LCMT1: variants seen among roughly 807,000 people sequenced by gnomAD.
The protein encoded by LCMT1 is leucine carboxyl methyltransferase 1, also known as [Phosphatase 2A protein]-leucine-carboxy methyltransferase 1.
LCMT1 carries 32 observed loss-of-function variants against 47.7 expected under a neutral mutation model. The ratio of observed to expected loss-of-function variants is 0.67; its 90% CI spans 0.51 to 0.90. LCMT1 has a LOEUF of 0.90. LCMT1 is among the 40% of genes least tolerant of loss of function. LCMT1 has a pLI of 0.00. For missense variants in LCMT1, 375 were observed against 415.2 expected (o/e 0.90, Z 0.84); for synonymous variants, 152 against 149.7 (o/e 1.02, Z -0.11).
chr16:25,173,824 C>T (rs982443442), intron 9 of LCMT1, among the ~76,000 whole-genome samples: 15 of 152,006 alleles, frequency 9.9e-5, no homozygotes, highest in African/African-American at 2.9e-4. Context: ...GCATTAGAGG[C>T]GTGAGCCACT....
chr16:25,143,097 G>T (rs1010257229), intron 4 of LCMT1: 1 of 152,290 alleles, frequency 6.6e-6, no homozygotes, highest in East Asian at 1.9e-4. Context: ...CCTTAGTGGG[G>T]ACTGGCAGGA....
At chr16:25,117,765 T>C (rs1474884605) in intron 1 of LCMT1, among the ~76,000 whole-genome samples, 1 of 151,488 alleles carries the variant, frequency 6.6e-6, no homozygotes, top group African/African-American at 2.4e-5. Flanking sequence ...GATGGGAGAA[T>C]CGCTTGAACT....
rs181466796 is a variant in LCMT1 at position 25,121,022 on chromosome 16, A to G, written c.114-7453A>G. ...GCAATCCTCCCACCTTGGCCTCCCAAAGTGCTAGGATTATAGGCATGAGCC... is the reference window on the plus strand; with the variant it reads ...GCAATCCTCCCACCTTGGCCTCCCAGAGTGCTAGGATTATAGGCATGAGCC... On this transcript the variant is annotated intron_variant, in intron 1 of 10. Transcript: ENST00000399069. Among the ~76,000 whole-genome samples the G allele has an allele frequency of 4.1e-3, 623 of 150,536 alleles. 7 individuals carry two copies. Among genetic ancestry groups the G allele is most frequent in the African/African-American group, 0.014 (589 of 40,900 alleles).
chr16:25,174,759 T>C (rs1397234251), intron 9 of LCMT1, 178 bp from the exon 10 acceptor site: 8 of 380,644 alleles, frequency 2.1e-5, no homozygotes, highest in Admixed American at 1.4e-4. Flanking sequence ...GTTTATGGTA[T>C]TTTTTCTTCT....
intron 4 of LCMT1, chr16:25,145,473 A>G (rs1960820855): frequency 6.6e-6 from 1 of 152,154 alleles, no homozygotes; most frequent in Non-Finnish European, 1.5e-5. Flanking sequence ...TCAAAGCAAA[A>G]AGATACAGGG....
At chr16:25,177,289 T>G (rs1265364832) in intron 10 of LCMT1, among the ~76,000 whole-genome samples, 1 of 152,198 alleles carries the variant, frequency 6.6e-6, no homozygotes, top group Non-Finnish European at 1.5e-5. Context: ...AAAGTATGAC[T>G]AAGAAAATCC....
chr16:25,116,019 T>C (rs577881708), intron 1 of LCMT1, among the ~76,000 whole-genome samples: 7 of 152,320 alleles, frequency 4.6e-5, no homozygotes, highest in African/African-American at 1.7e-4. Context: ...CTTTTACAGT[T>C]GTGAATTCCT....
intron 1 of LCMT1, among the ~76,000 whole-genome samples, chr16:25,113,813 T>C (rs1959703673): frequency 6.6e-6 from 1 of 152,182 alleles, no homozygotes; most frequent in Admixed American, 6.5e-5. Flanking sequence ...TTTTTGCATT[T>C]TTAGTGGAGA....
At chr16:25,123,909 T>TAA (rs1960079633) in intron 1 of LCMT1, among the ~76,000 whole-genome samples, 1 of 152,152 alleles carries the variant, frequency 6.6e-6, no homozygotes, top group African/African-American at 2.4e-5. Context: ...ACACCCGGCC[T>TAA]AATTTGCTTC....
chr16:25,118,413 C>T (rs141725011), intron 1 of LCMT1, among the ~76,000 whole-genome samples: 1 of 152,146 alleles, frequency 6.6e-6, no homozygotes, highest in Non-Finnish European at 1.5e-5. Context: ...TGCATTCACT[C>T]CACATTCTTT....
At chr16:25,156,122 C>T (rs1351704489) in intron 5 of LCMT1, among the ~76,000 whole-genome samples, 2 of 152,158 alleles carry the variant, frequency 1.3e-5, no homozygotes, top group Admixed American at 1.3e-4. Context: ...CTCATCTGCT[C>T]AGCTGCCGCT....
chr16:25,114,700 T>C (rs1270360017), intron 1 of LCMT1, among the ~76,000 whole-genome samples: 1 of 152,134 alleles, frequency 6.6e-6, no homozygotes, highest in African/African-American at 2.4e-5. Context: ...CTCCCTCCCT[T>C]TGCCTTCACC....
chr16:25,150,333 GTTTTTTTTTTTTT>G (rs35240331), intron 4 of LCMT1, among the ~76,000 whole-genome samples: 7 of 93,554 alleles, frequency 7.5e-5, no homozygotes, highest in Admixed American at 1.3e-4. Context: ...TAGTTTTCTG[GTTTTTTTTTTTTT>G]TTTTTTTTTT....
At chr16:25,139,504 C>T (rs555688136) in intron 3 of LCMT1, among the ~76,000 whole-genome samples, 20 of 150,900 alleles carry the variant, frequency 1.3e-4, no homozygotes, top group South Asian at 6.3e-4. Context: ...AGTGAGACTC[C>T]GTCTCAAAAA....
At chr16:25,123,454 A>T (rs1441463039) in intron 1 of LCMT1, among the ~76,000 whole-genome samples, 1 of 151,458 alleles carries the variant, frequency 6.6e-6, no homozygotes, top group East Asian at 1.9e-4. Flanking sequence ...CAAAATCCTG[A>T]CCTCGGGTGA....
chr16:25,157,828 G>A (rs917168664), intron 5 of LCMT1, among the ~76,000 whole-genome samples: 1 of 152,150 alleles, frequency 6.6e-6, no homozygotes, highest in Non-Finnish European at 1.5e-5. Context: ...ATTGGGCTAG[G>A]CCAGGGGGTC....
chr16:25,115,567 A>G (rs938158044), intron 1 of LCMT1, among the ~76,000 whole-genome samples: 3 of 152,172 alleles, frequency 2.0e-5, no homozygotes, highest in Non-Finnish European at 1.5e-5. Context: ...CCCTTTCTTC[A>G]GACTTCTGAT....
intron 5 of LCMT1, among the ~76,000 whole-genome samples, chr16:25,156,158 C>T (rs79878965): frequency 1.6e-3 from 247 of 152,248 alleles, no homozygotes; most frequent in Middle Eastern, 3.4e-3. Flanking sequence ...TCCCTGACTA[C>T]GAGGTTAAAG....
intron 1 of LCMT1, among the ~76,000 whole-genome samples, chr16:25,114,884 GT>G: frequency 6.6e-6 from 1 of 152,224 alleles, no homozygotes; most frequent in South Asian, 2.1e-4. Context: ...CCTGATTGCT[GT>G]TGTTCAGCTC....
Sources: allele counts gnomAD v4.1 joint callset (sites outside exome capture counted in the v4.1 genomes callset), GRCh38; gene constraint gnomAD v4.1.1; transcripts MANE v1.5; gene names NCBI Gene and HGNC (gene_info 2026-07-23, HGNC 2026-07-21).